Variants in C3orf20 observed in about 807,000 individuals in gnomAD.
The protein encoded by C3orf20 is uncharacterized protein C3orf20.
In C3orf20, 76 loss-of-function variants were observed where a neutral mutation model predicts 88.3. The observed-to-expected ratio is 0.86, with a 90% CI of 0.72 to 1.04. The LOEUF (loss-of-function observed/expected upper bound fraction) is 1.04, where lower values mean the gene tolerates loss of function less well. Ranked by LOEUF, C3orf20 falls within the 50% of genes least tolerant of loss-of-function variation. The pLI is 0.00. For missense variants in C3orf20, 1,056 were observed against 1,123.3 expected (o/e 0.94, Z 0.86); for synonymous variants, 436 against 437.4 (o/e 1.00, Z 0.04).
rs2032642584 is a variant in C3orf20, at chr3:14,690,026, G to A, written c.655G>A (p.Val219Met). ...ESLANMSAIG[V>M]NSPYQLIYHS... is the part of the protein sequence containing the mutation. Reference sequence around the variant, plus strand: ...CCTCGCAAACATGTCCGCCATTGGGGTGAACTCGCCTTACCAGCTGATCTA... The same window carrying A: ...CCTCGCAAACATGTCCGCCATTGGGATGAACTCGCCTTACCAGCTGATCTA... The change falls in exon 5 of 17, where the codon GTG becomes ATG. Residue 219 changes from valine to methionine, a missense_variant. Val to Met is a conservative substitution (Grantham distance 21). Transcript: ENST00000253697. 1 of 1,614,066 alleles carries A rather than the reference G, an allele frequency of 6.2e-7. No individual in the cohort carries two copies. Among genetic ancestry groups the A allele is most frequent in the African/African-American group, 1.3e-5 (1 of 74,922 alleles).
At chr3:14,691,301 G>T (rs928249495) in intron 5 of C3orf20, among the ~76,000 whole-genome samples, 1 of 152,148 alleles carries the variant, frequency 6.6e-6, no homozygotes, top group African/African-American at 2.4e-5. Context: ...GCACCCCATT[G>T]CATGTGCGCC....
chr3:14,695,224 C>T (rs1048865649), intron 5 of C3orf20, among the ~76,000 whole-genome samples: 3 of 152,124 alleles, frequency 2.0e-5, no homozygotes, highest in Admixed American at 6.5e-5. Flanking sequence ...TTTAAAATTT[C>T]CTTCTTAATT....
Position 14,726,647 on chromosome 3 carries a change from T to G in C3orf20, c.1567-254T>G, listed in dbSNP as rs777449526. On this transcript the variant is annotated intron_variant, in intron 10 of 16. Transcript: ENST00000253697. ...CATCTTCAAGCTGCATTGAGCATGA[T>G]GAGAGTTCAAAGCAAGAAGCAGTTC... 1.4e-4 allele frequency among the ~76,000 whole-genome samples: 21 copies of G among 152,228 alleles called. No individual in the cohort carries two copies. The Middle Eastern group carries it at 0.014, about 99-fold the overall frequency.
intron 15 of C3orf20, among the ~76,000 whole-genome samples, chr3:14,762,900 G>A (rs1205920822): frequency 6.6e-6 from 1 of 152,168 alleles, no homozygotes; most frequent in Non-Finnish European, 1.5e-5. Flanking sequence ...AAGAGGTCAT[G>A]CCAAGTGACC....
At chr3:14,747,772 C>A (rs2035098239) in intron 12 of C3orf20, among the ~76,000 whole-genome samples, 1 of 152,018 alleles carries the variant, frequency 6.6e-6, no homozygotes, top group African/African-American at 2.4e-5. Flanking sequence ...ACATAGAAAT[C>A]TCAGATTTGA....
chr3:14,749,161 T>C (rs1575150489), intron 12 of C3orf20, among the ~76,000 whole-genome samples: 2 of 152,366 alleles, frequency 1.3e-5, no homozygotes, highest in South Asian at 4.1e-4. Flanking sequence ...GCAATTGTTA[T>C]ATTTCTAGAT....
At chr3:14,705,438 C>T (rs1479997558) in intron 7 of C3orf20, among the ~76,000 whole-genome samples, 1 of 152,170 alleles carries the variant, frequency 6.6e-6, no homozygotes, top group Non-Finnish European at 1.5e-5. Context: ...AGATGTGTAT[C>T]GAGTATCTGT....
intron 5 of C3orf20, among the ~76,000 whole-genome samples, chr3:14,693,920 A>G (rs539609007): frequency 6.6e-6 from 1 of 152,244 alleles, no homozygotes; most frequent in East Asian, 1.9e-4. Context: ...AATTTTATCA[A>G]ATGCTTTTCC....
chr3:14,691,181 T>C (rs1417738327), intron 5 of C3orf20, among the ~76,000 whole-genome samples: 1 of 152,240 alleles, frequency 6.6e-6, no homozygotes, highest in Non-Finnish European at 1.5e-5. Flanking sequence ...GCTGACCTCC[T>C]CCTTCCGGGC....
At chr3:14,690,739 T>C (rs1339157164) in intron 5 of C3orf20, among the ~76,000 whole-genome samples, 1 of 152,108 alleles carries the variant, frequency 6.6e-6, no homozygotes, top group Admixed American at 6.5e-5. Context: ...CAGGACAAGG[T>C]CTGGCAGAAC....
At chr3:14,729,958 CA>C (rs1335184929) in intron 12 of C3orf20, among the ~76,000 whole-genome samples, 2 of 152,194 alleles carry the variant, frequency 1.3e-5, no homozygotes, top group African/African-American at 4.8e-5. Context: ...GTGTGTAGCT[CA>C]ATTAATATTA....
intron 12 of C3orf20, among the ~76,000 whole-genome samples, chr3:14,743,785 A>C (rs1575146170): frequency 6.6e-6 from 1 of 151,396 alleles, no homozygotes; most frequent in Non-Finnish European, 1.5e-5. Context: ...TGGGGCTTCC[A>C]CCCTCTGAAG....
chr3:14,723,978 C>A lies in C3orf20; in HGVS notation c.1566+2194C>A, dbSNP rs150481603. ...AGGATTACAGGTGCCTACCACCACA[C>A]CAGCTCATTTTTGTATTTTTAGTAG... On this transcript the variant is annotated intron_variant, in intron 10 of 16. Transcript: ENST00000253697. 2.5e-3 allele frequency among the ~76,000 whole-genome samples: 387 copies of A among 152,212 alleles called. 4 individuals are homozygous for A. In the East Asian group the frequency reaches 0.031, roughly 12 times the overall value.
At position 14,728,565 on chromosome 3, in the gene C3orf20, G is replaced by A. The variant is rs765984059; in HGVS notation, c.1817G>A (p.Arg606Gln). 22 of 1,614,180 alleles carry A rather than the reference G, an allele frequency of 1.4e-5. No individual in the cohort carries two copies. Among genetic ancestry groups the A allele is most frequent in the East Asian group, 2.2e-5 (1 of 44,886 alleles). The change falls in exon 12 of 17, where the codon CGA (arginine) becomes CAA (glutamine). Residue 606 changes from arginine (R) to glutamine (Q), a missense_variant. By Grantham distance (43) the Arg-to-Gln change is conservative (BLOSUM62 1). Transcript: ENST00000253697. Reference sequence around the variant, plus strand: ...TTATACTCAGGAGAAAGTCTTTTACGATCTCAGTCAGGCCACCTGGAATCC... The same window carrying A: ...TTATACTCAGGAGAAAGTCTTTTACAATCTCAGTCAGGCCACCTGGAATCC... ...LSLYSGESLL[R>Q]SQSGHLESSI...
In C3orf20 at chr3:14,684,310, A is replaced by G; in HGVS notation, c.553A>G (p.Lys185Glu). The G allele has an allele frequency of 6.2e-7, 1 of 1,614,188 alleles. No individual in the cohort carries two copies. The highest frequency in any genetic ancestry group is 8.5e-7 in the Non-Finnish European group (1 of 1,180,020). Residue 185 changes from lysine (K) to glutamate (E), a missense_variant, in exon 4 of 17, where the codon AAG becomes GAG. Transcript: ENST00000253697. Reference protein sequence around the residue: ...EASQLLHLNAKEMAFNCLIST... With the variant: ...EASQLLHLNAEEMAFNCLIST... ...CAGCCAGCTCCTCCACCTCAATGCC[A>G]AGGAGATGGCCTTCAACTGCCTGAT...
At chr3:14,746,514 A>G (rs1021612686) in intron 12 of C3orf20, among the ~76,000 whole-genome samples, 1 of 152,150 alleles carries the variant, frequency 6.6e-6, no homozygotes, top group Non-Finnish European at 1.5e-5. Context: ...TGCAACATAT[A>G]TTATCCATTT....
chr3:14,729,090 T>A (rs1438582163), intron 12 of C3orf20, among the ~76,000 whole-genome samples: 1 of 152,154 alleles, frequency 6.6e-6, no homozygotes, highest in African/African-American at 2.4e-5. Context: ...ACCCACTCAT[T>A]CACATATCAT....
chr3:14,757,468 C>G lies in C3orf20; in HGVS notation c.2038C>G (p.Arg680Gly), dbSNP rs773111510. The G allele has an allele frequency of 3.7e-6, 6 of 1,613,164 alleles. No individual in the cohort carries two copies. The African/African-American group carries it at 6.7e-5, about 18-fold the overall frequency. The change falls in exon 13 of 17, where the codon CGT (arginine) becomes GGT (glycine). Residue 680 changes from arginine to glycine, a missense_variant. Coordinates refer to ENST00000253697, the MANE Select transcript of C3orf20 (RefSeq NM_032137.5). ...LRKLMLKEDT[R>G]AGCKCLVKAP... ...GAAGCTCATGCTCAAGGAAGACACC[C>G]GTGCTGGCTGCAAGTGCCTGGTGAA...
intron 13 of C3orf20, among the ~76,000 whole-genome samples, chr3:14,758,593 C>T (rs2035459762): frequency 6.6e-6 from 1 of 152,194 alleles, no homozygotes; most frequent in Non-Finnish European, 1.5e-5. Flanking sequence ...GCCCTGTTTG[C>T]CCTCCTGTCT....
Sources: gnomAD v4.1 joint callset for allele counts (sites outside exome capture counted in the v4.1 genomes callset) on GRCh38, gnomAD v4.1.1 for gene constraint, MANE v1.5 for transcripts, NCBI Gene and HGNC (gene_info 2026-07-23, HGNC 2026-07-21) for gene names.